The following GAP43 variants were observed in gnomAD, a reference collection of about 807,000 sequenced individuals.
GAP43 encodes the protein growth associated protein 43.
GAP43 carries 6 observed loss-of-function variants against 18.6 expected under a neutral mutation model. That is an observed-to-expected ratio of 0.32 (90% CI 0.18 to 0.64). The LOEUF is 0.64. Ranked by LOEUF, GAP43 falls within the 30% of genes least tolerant of loss-of-function variation. The probability of loss-of-function intolerance (pLI) is 0.78; values close to 1 mark genes in which losing one functional copy is unlikely to be tolerated. For synonymous variants in GAP43, 115 were observed against 111.4 expected, an observed-to-expected ratio of 1.03 and a Z score of -0.20; for missense variants, 292 against 295.5, an observed-to-expected ratio of 0.99 and a Z score of 0.09.
chr3:115,628,642 T>C (rs561313273), intron 1 of GAP43, among the ~76,000 whole-genome samples: 1 of 152,130 alleles, frequency 6.6e-6, no homozygotes, highest in Non-Finnish European at 1.5e-5. Context: ...CCTTACTGGG[T>C]CTGCATGATA....
At chr3:115,661,590 G>A (rs1044573454) in intron 1 of GAP43, among the ~76,000 whole-genome samples, 3 of 152,094 alleles carry the variant, frequency 2.0e-5, no homozygotes, top group Admixed American at 2.0e-4. Flanking sequence ...CCGGGTTCAC[G>A]CCGTTCTCCT....
intron 2 of GAP43, among the ~76,000 whole-genome samples, chr3:115,719,276 A>G (rs1297491283): frequency 6.6e-6 from 1 of 152,140 alleles, no homozygotes; most frequent in Non-Finnish European, 1.5e-5. Flanking sequence ...AGGAAAAAAA[A>G]AAACAGTTAA....
At chr3:115,645,086 T>G (rs1267822766) in intron 1 of GAP43, among the ~76,000 whole-genome samples, 3 of 152,032 alleles carry the variant, frequency 2.0e-5, no homozygotes, top group Non-Finnish European at 4.4e-5. Context: ...TTTCATGGTA[T>G]CTCAAGAGTT....
chr3:115,674,147 C>T (rs1339632270), intron 1 of GAP43, among the ~76,000 whole-genome samples: 2 of 152,174 alleles, frequency 1.3e-5, no homozygotes, highest in Admixed American at 6.5e-5. Flanking sequence ...GAGCAAAGGT[C>T]AAGGCCAATC....
chr3:115,627,649 G>A lies in GAP43; in HGVS notation c.30+3930G>A, dbSNP rs1708207600. Among the ~76,000 whole-genome samples the A allele has an allele frequency of 2.0e-5, 3 of 152,104 alleles. No homozygotes were observed. The South Asian group carries it at 6.2e-4, about 32-fold the overall frequency. ...TAAGACAAGTCTTCCTCTATTAATA[G>A]TTCAAAGAATGCACATAACCAGGTC... On this transcript the variant is annotated intron_variant, in intron 1 of 2. Coordinates refer to ENST00000305124, the MANE Select transcript of GAP43 (RefSeq NM_002045.4).
intron 1 of GAP43, among the ~76,000 whole-genome samples, chr3:115,628,322 T>C (rs1708217224): frequency 1.3e-5 from 2 of 152,012 alleles, no homozygotes. Flanking sequence ...CCTTTCCTTA[T>C]AGTTTATGAA....
At position 115,713,110 on chromosome 3, in the gene GAP43, G is replaced by A. The variant is rs189430401; in HGVS notation, c.629-7684G>A. ...GCTCCAGATGGACATCTGGTATATA[G>A]CTAAAGAAAAAGACTGTGTGAGCAA... On this transcript the variant is annotated intron_variant, in intron 2 of 2. Transcript: ENST00000305124. Among the ~76,000 whole-genome samples the A allele has an allele frequency of 4.6e-5, 7 of 152,268 alleles. No individual in the cohort carries two copies. The East Asian group carries it at 1.4e-3, about 29-fold the overall frequency.
chr3:115,720,754 C>A, intron 2 of GAP43, 40 bp from the exon 3 acceptor site: 3 of 1,381,468 alleles, frequency 2.2e-6, no homozygotes, highest in South Asian at 1.2e-5. Context: ...AATACTAATT[C>A]TCTCCTTTTC....
At chr3:115,652,801 A>C (rs534008045) in intron 1 of GAP43, among the ~76,000 whole-genome samples, 1 of 152,354 alleles carries the variant, frequency 6.6e-6, no homozygotes, top group East Asian at 1.9e-4. Flanking sequence ...TTTTGATGAA[A>C]ATGAATAGAT....
intron 2 of GAP43, among the ~76,000 whole-genome samples, chr3:115,683,685 A>C (rs1009973221): frequency 3.9e-5 from 6 of 152,212 alleles, no homozygotes; most frequent in African/African-American, 1.4e-4. Flanking sequence ...AAACAGCTTC[A>C]AGGGTTAATA....
chr3:115,675,811 C>T (rs1027760042), intron 1 of GAP43, among the ~76,000 whole-genome samples: 3 of 144,460 alleles, frequency 2.1e-5, no homozygotes, highest in Non-Finnish European at 4.5e-5. Flanking sequence ...CTGGAAGGTC[C>T]GAAAGACATT....
chr3:115,687,729 A>G (rs553537724), intron 2 of GAP43, among the ~76,000 whole-genome samples: 46 of 152,226 alleles, frequency 3.0e-4, no homozygotes, highest in Admixed American at 1.0e-3. Flanking sequence ...CTATTTCGTG[A>G]TCTTGGTTAA....
chr3:115,666,192 T>C (rs531097434), intron 1 of GAP43, among the ~76,000 whole-genome samples: 2 of 152,236 alleles, frequency 1.3e-5, no homozygotes, highest in East Asian at 3.9e-4. Context: ...CAGGTGATAG[T>C]AGAGTGGGAC....
At chr3:115,689,061 CT>C (rs978482631) in intron 2 of GAP43, among the ~76,000 whole-genome samples, 1 of 152,184 alleles carries the variant, frequency 6.6e-6, no homozygotes, top group African/African-American at 2.4e-5. Flanking sequence ...TTTACACTTG[CT>C]TTCTCCCTTG....
At chr3:115,673,059 C>G (rs1708834029) in intron 1 of GAP43, among the ~76,000 whole-genome samples, 1 of 152,058 alleles carries the variant, frequency 6.6e-6, no homozygotes, top group Admixed American at 6.6e-5. Flanking sequence ...TCCTGCTTCC[C>G]TTGAATTTCT....
chr3:115,649,327 C>A (rs1249454591), intron 1 of GAP43, among the ~76,000 whole-genome samples: 1 of 152,104 alleles, frequency 6.6e-6, no homozygotes, highest in African/African-American at 2.4e-5. Context: ...AAGGCCCCAC[C>A]TCTTAATACT....
chr3:115,666,879 A>G (rs894366493), intron 1 of GAP43, among the ~76,000 whole-genome samples: 1 of 152,208 alleles, frequency 6.6e-6, no homozygotes, highest in Non-Finnish European at 1.5e-5. Context: ...AAACAGGCAC[A>G]GTGATGTGTT....
chr3:115,651,964 A>G (rs1483958058), intron 1 of GAP43, among the ~76,000 whole-genome samples: 1 of 152,146 alleles, frequency 6.6e-6, no homozygotes, highest in Non-Finnish European at 1.5e-5. Context: ...CAAAAACATG[A>G]TCTTAGTTTT....
At chr3:115,698,287 A>ATAAAATATATATTATATATAAATATAAT (rs1709247656) in intron 2 of GAP43, among the ~76,000 whole-genome samples, 2 of 37,860 alleles carry the variant, frequency 5.3e-5, no homozygotes, top group African/African-American at 7.9e-5. Flanking sequence ...ATATAAATAT[A>ATAAAATATATATTATATATAAATATAAT]ATATATATAT....
Sources: allele counts gnomAD v4.1 joint callset (sites outside exome capture counted in the v4.1 genomes callset), GRCh38; gene constraint gnomAD v4.1.1; transcripts MANE v1.5; gene names NCBI Gene and HGNC (gene_info 2026-07-23, HGNC 2026-07-21).